FBXL17: variants seen among roughly 807,000 people sequenced by gnomAD.
FBXL17 encodes the protein F-box and leucine rich repeat protein 17.
A neutral mutation model predicts 66.2 loss-of-function variants in FBXL17; 22 were observed. The observed-to-expected ratio is 0.33, with a 90% CI of 0.24 to 0.47. FBXL17 has a LOEUF of 0.47. Ranked by LOEUF, FBXL17 falls within the 20% of genes least tolerant of loss-of-function variation. The probability of loss-of-function intolerance (pLI) is 1.00; values close to 1 mark genes in which losing one functional copy is unlikely to be tolerated. For synonymous variants in FBXL17, 474 were observed against 400.5 expected, an observed-to-expected ratio of 1.18 and a Z score of -2.19; for missense variants, 878 against 948.2, an observed-to-expected ratio of 0.93 and a Z score of 0.97.
chr5:107,870,454 G>T (rs768772635), intron 8 of FBXL17, among the ~76,000 whole-genome samples: 3 of 152,122 alleles, frequency 2.0e-5, no homozygotes, highest in Non-Finnish European at 4.4e-5. Context: ...GCCAAAGGTG[G>T]CTTCCATCTG....
At chr5:108,298,720 T>C (rs189435221) in intron 4 of FBXL17, 4 of 759,814 alleles carry the variant, frequency 5.3e-6, no homozygotes, top group African/African-American at 1.9e-5. Flanking sequence ...AGTCTTATAA[T>C]TCCTAATTCA....
chr5:107,925,866 A>G (rs956957121), intron 7 of FBXL17, among the ~76,000 whole-genome samples: 3 of 152,182 alleles, frequency 2.0e-5, no homozygotes, highest in African/African-American at 7.2e-5. Flanking sequence ...AGTAATCAAT[A>G]TCTTAATATG....
In FBXL17 at chr5:108,224,103, A is replaced by C; in HGVS notation, c.1614+18T>G. ...ATGATACTCAAAAATACCAAGGAAA[A>C]GCAGCCATAGTACCTACCTTGGTTA... On this transcript the variant is annotated intron_variant, in intron 5 of 8. Transcript: ENST00000542267. 7.3e-7 allele frequency: 1 copy of C among 1,362,756 alleles called. No individual in the cohort carries two copies. Among genetic ancestry groups the C allele is most frequent in the Non-Finnish European group, 1.0e-6 (1 of 961,240 alleles). The allele number at this position is 1,362,756 out of a possible 1,614,324, so 84.4% of individuals were successfully genotyped here. A position where few individuals can be genotyped will look rare whatever the true frequency, so the allele number is the denominator to read the frequency against.
At chr5:107,886,962 A>C (rs912365585) in intron 7 of FBXL17, among the ~76,000 whole-genome samples, 5 of 151,824 alleles carry the variant, frequency 3.3e-5, no homozygotes, top group South Asian at 2.1e-4. Context: ...GGAGGAAACT[A>C]GGGTGACATG....
intron 6 of FBXL17, among the ~76,000 whole-genome samples, chr5:108,170,748 G>A (rs375751507): frequency 7.2e-4 from 110 of 152,210 alleles, no homozygotes; most frequent in African/African-American, 2.6e-3. Flanking sequence ...TGGCCAGGCT[G>A]GTTTCAAACT....
In FBXL17 at chr5:108,158,962, C is replaced by T. The variant is rs188364909; in HGVS notation, c.1745+27155G>A. ...AAGAGATAAATATAGCTATGGAGAG[C>T]TTCAAAAAGTGGAAGATACACCTGG... On this transcript the variant is annotated intron_variant, in intron 6 of 8. Coordinates refer to ENST00000542267, the MANE Select transcript of FBXL17 (RefSeq NM_001163315.3). Among the ~76,000 whole-genome samples, 79 of 151,998 alleles carry T rather than the reference C, an allele frequency of 5.2e-4. 2 individuals carry two copies. In the Middle Eastern group the frequency reaches 0.014, roughly 26 times the overall value.
intron 4 of FBXL17, among the ~76,000 whole-genome samples, chr5:108,268,149 G>T (rs1044871162): frequency 5.9e-5 from 9 of 151,748 alleles, no homozygotes; most frequent in Non-Finnish European, 1.0e-4. Context: ...GAGAGGGGAA[G>T]AATAAAGGGA....
intron 6 of FBXL17, among the ~76,000 whole-genome samples, chr5:108,067,784 T>C (rs1748174090): frequency 6.6e-6 from 1 of 152,200 alleles, no homozygotes; most frequent in Non-Finnish European, 1.5e-5. Context: ...AATAGGAGAA[T>C]TGAAACTGAT....
At chr5:108,095,841 C>T (rs1054427160) in intron 6 of FBXL17, among the ~76,000 whole-genome samples, 1 of 152,140 alleles carries the variant, frequency 6.6e-6, no homozygotes, top group Non-Finnish European at 1.5e-5. Flanking sequence ...AGAGAACTGT[C>T]TTCTCAGAAG....
chr5:108,195,126 T>C (rs550132858), intron 5 of FBXL17, among the ~76,000 whole-genome samples: 2 of 152,160 alleles, frequency 1.3e-5, no homozygotes, highest in South Asian at 2.1e-4. Flanking sequence ...TCTCAGTCCA[T>C]AGAATGGTTA....
chr5:108,047,784 C>T (rs1337772072), intron 6 of FBXL17, among the ~76,000 whole-genome samples: 1 of 152,150 alleles, frequency 6.6e-6, no homozygotes, highest in African/African-American at 2.4e-5. Flanking sequence ...AGGGACAGAA[C>T]CTAGATCTCC....
intron 6 of FBXL17, among the ~76,000 whole-genome samples, chr5:108,120,539 G>A (rs1056962000): frequency 1.3e-5 from 2 of 152,126 alleles, no homozygotes; most frequent in African/African-American, 2.4e-5. Context: ...TGATCTAAAA[G>A]TTTCACTGGG....
chr5:107,988,836 C>T (rs1011469735), intron 7 of FBXL17, among the ~76,000 whole-genome samples: 1 of 151,964 alleles, frequency 6.6e-6, no homozygotes, highest in Non-Finnish European at 1.5e-5. Flanking sequence ...AACTCCAAGG[C>T]AAAATTTTCT....
At chr5:107,930,552 T>G (rs957585487) in intron 7 of FBXL17, among the ~76,000 whole-genome samples, 4 of 152,248 alleles carry the variant, frequency 2.6e-5, no homozygotes, top group African/African-American at 9.6e-5. Context: ...CTCCAACTAG[T>G]ACATAAACCC....
chr5:108,240,870 C>CAG (rs142698907), intron 4 of FBXL17, among the ~76,000 whole-genome samples: 46 of 150,424 alleles, frequency 3.1e-4, no homozygotes, highest in African/African-American at 8.7e-4. Flanking sequence ...GGGAGAGAGA[C>CAG]AGAGAGAGAG....
intron 4 of FBXL17, among the ~76,000 whole-genome samples, chr5:108,328,767 T>C (rs1333618270): frequency 6.6e-6 from 1 of 152,044 alleles, no homozygotes; most frequent in Non-Finnish European, 1.5e-5. Flanking sequence ...TATTGTAAAA[T>C]CAACCCAAGT....
chr5:107,884,266 A>T (rs182464095), intron 7 of FBXL17, among the ~76,000 whole-genome samples: 7 of 152,300 alleles, frequency 4.6e-5, no homozygotes, highest in African/African-American at 1.7e-4. Flanking sequence ...GGCTTCAGGG[A>T]GGGTCTCTCT....
At chr5:107,994,795 G>A (rs191963527) in intron 7 of FBXL17, among the ~76,000 whole-genome samples, 57 of 152,228 alleles carry the variant, frequency 3.7e-4, no homozygotes, top group South Asian at 6.2e-4. Flanking sequence ...CCGAGATTGC[G>A]CCACTGCACT....
chr5:108,045,876 G>A (rs993538632), intron 6 of FBXL17, among the ~76,000 whole-genome samples: 12 of 152,056 alleles, frequency 7.9e-5, no homozygotes, highest in South Asian at 2.1e-4. Flanking sequence ...TTTATGGCTC[G>A]GGATATAGTG....
Sources: gnomAD v4.1 joint callset for allele counts (sites outside exome capture counted in the v4.1 genomes callset) on GRCh38, gnomAD v4.1.1 for gene constraint, MANE v1.5 for transcripts, NCBI Gene and HGNC (gene_info 2026-07-23, HGNC 2026-07-21) for gene names.